The following XKR4 variants were observed in gnomAD, a reference collection of about 807,000 sequenced individuals.
XKR4 encodes the protein XK-related protein 4.
Under a neutral mutation model 53.9 loss-of-function variants are expected in XKR4, and 12 were observed. The ratio of observed to expected loss-of-function variants is 0.22; its 90% CI spans 0.14 to 0.36. The LOEUF is 0.36. XKR4 is among the 10% of genes least tolerant of loss of function. The pLI, the probability that XKR4 is intolerant of heterozygous loss-of-function variation, is 1.00. For missense variants in XKR4, 799 were observed against 859.5 expected (o/e 0.93, Z 0.88); for synonymous variants, 354 against 362.4 (o/e 0.98, Z 0.26).
At chr8:55,159,541 G>T (rs1434353226) in intron 1 of XKR4, among the ~76,000 whole-genome samples, 2 of 152,076 alleles carry the variant, frequency 1.3e-5, no homozygotes, top group Non-Finnish European at 2.9e-5. Context: ...AAAAACTTGG[G>T]GTCATGTTGC....
intron 2 of XKR4, among the ~76,000 whole-genome samples, chr8:55,498,373 T>C (rs2658907): frequency 0.5 from 75,585 of 151,754 alleles, 20,736 homozygotes; most frequent in African/African-American, 0.74. Flanking sequence ...TGCATGTCCC[T>C]GGCACCTCTG....
At chr8:55,502,626 T>C (rs767119015) in intron 2 of XKR4, among the ~76,000 whole-genome samples, 4 of 152,172 alleles carry the variant, frequency 2.6e-5, no homozygotes, top group Non-Finnish European at 4.4e-5. Flanking sequence ...TTAATATATC[T>C]TTATCAGACA....
intron 2 of XKR4, among the ~76,000 whole-genome samples, chr8:55,491,658 T>G (rs1395745973): frequency 8.9e-6 from 1 of 112,956 alleles, no homozygotes; most frequent in Non-Finnish European, 2.0e-5. Context: ...TTGTTTGTTT[T>G]TTATTGCTGG....
intron 2 of XKR4, among the ~76,000 whole-genome samples, chr8:55,520,453 G>C (rs1462456105): frequency 6.6e-6 from 1 of 152,200 alleles, no homozygotes; most frequent in Non-Finnish European, 1.5e-5. Context: ...AGGCGTGGTG[G>C]CACATGCCTA....
At chr8:55,289,669 A>AG (rs1818967875) in intron 1 of XKR4, among the ~76,000 whole-genome samples, 2 of 74,094 alleles carry the variant, frequency 2.7e-5, no homozygotes, top group Non-Finnish European at 7.3e-5. Context: ...AAAAGAAAAG[A>AG]AAAGAAAGAG....
At chr8:55,236,771 T>C (rs1416851326) in intron 1 of XKR4, among the ~76,000 whole-genome samples, 2 of 152,170 alleles carry the variant, frequency 1.3e-5, no homozygotes, top group Non-Finnish European at 2.9e-5. Context: ...ACCTGAAATA[T>C]TGCTATTTGT....
At chr8:55,194,394 C>A (rs1367349852) in intron 1 of XKR4, among the ~76,000 whole-genome samples, 1 of 152,170 alleles carries the variant, frequency 6.6e-6, no homozygotes, top group Non-Finnish European at 1.5e-5. Flanking sequence ...GCAAGTAAGG[C>A]TCCCTTCTCT....
Position 55,142,417 on chromosome 8 carries a change from C to G in XKR4, c.806+39123C>G, listed in dbSNP as rs986748165. On this transcript the variant is annotated intron_variant, in intron 1 of 2. Coordinates refer to ENST00000327381, the MANE Select transcript of XKR4 (RefSeq NM_052898.2). ...CGCTCCTTAAGTTGTCTGTGGCCCA[C>G]TTGATCCTCCCAGGTCCTCCTGAAA... 8 of 270,342 alleles carry G rather than the reference C, an allele frequency of 3.0e-5. No homozygotes were observed. In the Admixed American group the frequency reaches 3.3e-4, roughly 11 times the overall value. 16.7% of individuals were successfully genotyped at this position (270,342 alleles called of 1,614,324 possible).
At chr8:55,215,322 T>A (rs1348804363) in intron 1 of XKR4, among the ~76,000 whole-genome samples, 2 of 152,202 alleles carry the variant, frequency 1.3e-5, no homozygotes, top group Non-Finnish European at 1.5e-5. Context: ...TTTTCTGGAA[T>A]AAGTAGTTAA....
rs1253529430 is a variant in XKR4, at chr8:55,528,197, T to TA, written c.*3971dup. 13 of 152,230 alleles carry TA rather than the reference T, an allele frequency of 8.5e-5. No homozygotes were observed. The highest frequency in any genetic ancestry group is 3.1e-4 in the African/African-American group (13 of 41,472). 9.4% of individuals were successfully genotyped at this position (152,230 alleles called of 1,614,324 possible). A position where few individuals can be genotyped will look rare whatever the true frequency, so the allele number is the denominator to read the frequency against. On this transcript the variant is annotated 3_prime_UTR_variant, in exon 3 of 3. Coordinates refer to ENST00000327381, the MANE Select transcript of XKR4 (RefSeq NM_052898.2). The stretch of plus-strand genomic sequence containing the variant: ...AGTCCATCTATAAGACCAACACACT[T>TA]ACGAACTTCAGTTGGAAATACCTAA...
At chr8:55,302,204 T>G (rs1267738930) in intron 1 of XKR4, among the ~76,000 whole-genome samples, 15 of 152,352 alleles carry the variant, frequency 9.8e-5, no homozygotes, top group Non-Finnish European at 1.9e-4. Flanking sequence ...AGTTTCAGCT[T>G]TCTACATATG....
Position 55,103,784 on chromosome 8 carries a change from C to T in XKR4, c.806+490C>T, listed in dbSNP as rs143931085. On this transcript the variant is annotated intron_variant, in intron 1 of 2. Transcript: ENST00000327381. ...AGTTGCTGCTGCTCAAAAGTACCCA[C>T]ATATTAATGATCACTGCTGGAGAAG... is the stretch of plus-strand genomic sequence containing the variant. Among the ~76,000 whole-genome samples the T allele has an allele frequency of 3.9e-3, 585 of 149,032 alleles. 4 individuals are homozygous for T. Among genetic ancestry groups the T allele is most frequent in the Middle Eastern group, 0.014 (4 of 286 alleles).
intron 1 of XKR4, among the ~76,000 whole-genome samples, chr8:55,191,599 A>C (rs1817444457): frequency 6.6e-6 from 1 of 152,150 alleles, no homozygotes; most frequent in African/African-American, 2.4e-5. Context: ...GCCATTATGT[A>C]AAGACACACT....
chr8:55,230,334 G>A (rs1258767951), intron 1 of XKR4, among the ~76,000 whole-genome samples: 1 of 150,852 alleles, frequency 6.6e-6, no homozygotes, highest in African/African-American at 2.4e-5. Context: ...ACCATCTATG[G>A]TGGCAATGAT....
chr8:55,128,051 G>A (rs1411859335), intron 1 of XKR4, among the ~76,000 whole-genome samples: 1 of 152,076 alleles, frequency 6.6e-6, no homozygotes, highest in Non-Finnish European at 1.5e-5. Flanking sequence ...ACGTGTGCAT[G>A]TGTCTTTATA....
At chr8:55,108,185 G>A (rs1030850018) in intron 1 of XKR4, among the ~76,000 whole-genome samples, 12 of 152,152 alleles carry the variant, frequency 7.9e-5, no homozygotes, top group Admixed American at 7.9e-4. Context: ...TGGATGCAAT[G>A]TGTAAAGGCA....
intron 1 of XKR4, among the ~76,000 whole-genome samples, chr8:55,194,324 C>A (rs1817479058): frequency 6.6e-6 from 1 of 152,212 alleles, no homozygotes; most frequent in Non-Finnish European, 1.5e-5. Flanking sequence ...CCAGGCCTCC[C>A]TCTCTGGCTG....
At chr8:55,220,366 G>A (rs1817864807) in intron 1 of XKR4, among the ~76,000 whole-genome samples, 1 of 152,210 alleles carries the variant, frequency 6.6e-6, no homozygotes, top group Non-Finnish European at 1.5e-5. Context: ...AAGGAAGCAA[G>A]TCAGTCTTTT....
rs1386070805 is a variant in XKR4, at chr8:55,474,255, AC to A, written c.1007-49025del. Among the ~76,000 whole-genome samples, 14 of 152,086 alleles carry A rather than the reference AC, an allele frequency of 9.2e-5. 1 individual carries two copies. The highest frequency in any genetic ancestry group is 3.1e-4 in the African/African-American group (13 of 41,364). On this transcript the variant is annotated intron_variant, in intron 2 of 2. Coordinates refer to ENST00000327381, the MANE Select transcript of XKR4 (RefSeq NM_052898.2). ...AAGCACACTTACTAACTTACTGATC[AC>A]TGATGGACAGTTACCACAAAGACAT...
Sources: allele counts gnomAD v4.1 joint callset (sites outside exome capture counted in the v4.1 genomes callset), GRCh38; gene constraint gnomAD v4.1.1; transcripts MANE v1.5; gene names NCBI Gene and HGNC (gene_info 2026-07-23, HGNC 2026-07-21).